Variants in ANK2 observed in about 807,000 individuals in gnomAD.
ANK2 encodes ankyrin 2.
ANK2 carries 83 observed loss-of-function variants against 360.5 expected under a neutral mutation model. That is an observed-to-expected ratio of 0.23 (90% CI 0.19 to 0.28). The LOEUF is 0.28. Among genes scored for constraint, ANK2 ranks in the 10% least tolerant of loss-of-function variants. The pLI is 1.00. For missense variants in ANK2, 4,201 were observed against 4,795.7 expected, an observed-to-expected ratio of 0.88 and a Z score of 3.66; for synonymous variants, 1,740 against 1,759.5, an observed-to-expected ratio of 0.99 and a Z score of 0.28.
intron 2 of ANK2, among the ~76,000 whole-genome samples, chr4:112,908,259 A>G (rs2085931361): frequency 1.3e-5 from 2 of 152,218 alleles, no homozygotes; most frequent in Admixed American, 1.3e-4. Flanking sequence ...CAGCAATGCA[A>G]TGAGGTGGAT....
chr4:113,232,861 T>C (rs1022592107), intron 5 of ANK2, among the ~76,000 whole-genome samples: 1 of 152,218 alleles, frequency 6.6e-6, no homozygotes, highest in African/African-American at 2.4e-5. Context: ...ACATCAGTTT[T>C]CTTTCCTAAG....
chr4:113,346,850 G>A (rs553472256), intron 35 of ANK2, among the ~76,000 whole-genome samples: 16 of 152,222 alleles, frequency 1.1e-4, no homozygotes, highest in South Asian at 4.2e-4. Context: ...GTAATTCCTC[G>A]AATACTCTGA....
At chr4:113,276,273 C>A (rs1279656840) in intron 15 of ANK2, among the ~76,000 whole-genome samples, 1 of 152,100 alleles carries the variant, frequency 6.6e-6, no homozygotes, top group Non-Finnish European at 1.5e-5. Context: ...CTGACTAGGG[C>A]TGAACAGTGG....
intron 1 of ANK2, among the ~76,000 whole-genome samples, chr4:112,902,818 T>G (rs763900327): frequency 1.1e-4 from 16 of 152,238 alleles, no homozygotes; most frequent in Non-Finnish European, 2.1e-4. Flanking sequence ...AAGGTTTATG[T>G]GAATGTGGAC....
chr4:113,190,506 T>G (rs76698798), intron 2 of ANK2, among the ~76,000 whole-genome samples: 4,829 of 152,170 alleles, frequency 0.032, 109 homozygotes, highest in East Asian at 0.067. Flanking sequence ...TTGATGTATT[T>G]GGACATTAAA....
intron 4 of ANK2, among the ~76,000 whole-genome samples, chr4:113,204,237 ATTGGT>A (rs2098907647): frequency 6.6e-6 from 1 of 152,224 alleles, no homozygotes; most frequent in African/African-American, 2.4e-5. Context: ...TACAAAGCAA[ATTGGT>A]TTATATAATG....
intron 2 of ANK2, among the ~76,000 whole-genome samples, chr4:113,005,897 C>T (rs1225091768): frequency 3.3e-5 from 5 of 152,120 alleles, no homozygotes. Flanking sequence ...CCTCTTCCCT[C>T]TTGCTCCCTC....
chr4:112,709,503 C>G, the ANK2 span, among the ~76,000 whole-genome samples: 1 of 152,162 alleles, frequency 6.6e-6, no homozygotes, highest in Admixed American at 6.6e-5. Context: ...AATCCCAGCA[C>G]TTTTGGAGGC....
intron 22 of ANK2, among the ~76,000 whole-genome samples, chr4:113,300,944 T>G (rs1172034283): frequency 6.6e-6 from 1 of 152,240 alleles, no homozygotes; most frequent in African/African-American, 2.4e-5. Context: ...TAGTCAGAGT[T>G]GCTCAGTGGA....
intron 39 of ANK2, among the ~76,000 whole-genome samples, chr4:113,361,916 T>C (rs1589117782): frequency 6.6e-6 from 1 of 152,128 alleles, no homozygotes; most frequent in South Asian, 2.1e-4. Flanking sequence ...CCTACCACCA[T>C]ATAGAATGAC....
At chr4:113,016,236 G>A (rs1396700419) in intron 2 of ANK2, among the ~76,000 whole-genome samples, 2 of 151,970 alleles carry the variant, frequency 1.3e-5, no homozygotes, top group Non-Finnish European at 1.5e-5. Context: ...CCTGTCATTG[G>A]GGGAAAATAG....
intron 1 of ANK2, among the ~76,000 whole-genome samples, chr4:112,831,746 G>A (rs1297398109): frequency 5.3e-5 from 8 of 152,122 alleles, no homozygotes; most frequent in South Asian, 2.1e-4. Flanking sequence ...TTGGGTCCAC[G>A]CCACCTTTAT....
chr4:113,294,783 A>G (rs1486305055), intron 22 of ANK2, among the ~76,000 whole-genome samples: 1 of 152,206 alleles, frequency 6.6e-6, no homozygotes, highest in African/African-American at 2.4e-5. Flanking sequence ...TATAGCTTTG[A>G]TAAATTATAT....
At chr4:113,379,003 G>A (rs915513671) in intron 45 of ANK2, among the ~76,000 whole-genome samples, 5 of 152,098 alleles carry the variant, frequency 3.3e-5, no homozygotes, top group Non-Finnish European at 5.9e-5. Context: ...GTCATTCAGA[G>A]TATGCTACAG....
intron 15 of ANK2, among the ~76,000 whole-genome samples, chr4:113,275,367 A>G (rs1330315208): frequency 6.6e-6 from 1 of 152,254 alleles, no homozygotes; most frequent in Non-Finnish European, 1.5e-5. Flanking sequence ...TACTCAGCTA[A>G]TTAGAGCAAA....
At chr4:112,937,478 C>A (rs1232216634) in intron 2 of ANK2, among the ~76,000 whole-genome samples, 3 of 152,092 alleles carry the variant, frequency 2.0e-5, no homozygotes, top group Non-Finnish European at 4.4e-5. Flanking sequence ...CAGGCACCTG[C>A]CACCACCTCC....
At chr4:113,209,873 C>A (rs2099000759) in intron 4 of ANK2, among the ~76,000 whole-genome samples, 4 of 150,144 alleles carry the variant, frequency 2.7e-5, no homozygotes, top group Admixed American at 2.0e-4. Context: ...AGCCTGGGTT[C>A]ATGGGCATGA....
intron 1 of ANK2, among the ~76,000 whole-genome samples, chr4:112,821,806 A>T: frequency 6.7e-6 from 1 of 148,476 alleles, no homozygotes; most frequent in South Asian, 2.1e-4. Context: ...TCTGTCTGTC[A>T]CCCAGGCTGG....
intron 45 of ANK2, chr4:113,378,106 G>A (rs1342887428): frequency 7.9e-7 from 1 of 1,270,334 alleles, no homozygotes; most frequent in East Asian, 5.6e-5. Flanking sequence ...AGTTACACAG[G>A]TAGCCACATG....
Sources: gnomAD v4.1 joint callset for allele counts (sites outside exome capture counted in the v4.1 genomes callset) on GRCh38, gnomAD v4.1.1 for gene constraint, MANE v1.5 for transcripts, NCBI Gene and HGNC (gene_info 2026-07-23, HGNC 2026-07-21) for gene names.